DPP10: variants seen among roughly 807,000 people sequenced by gnomAD.
The protein encoded by DPP10 is dipeptidyl peptidase like 10, also known as inactive dipeptidyl peptidase 10.
DPP10 carries 33 observed loss-of-function variants against 120.9 expected under a neutral mutation model. That is an observed-to-expected ratio of 0.27 (90% CI 0.21 to 0.37). DPP10 has a LOEUF of 0.37. Ranked by LOEUF, DPP10 falls within the 10% of genes least tolerant of loss-of-function variation. The probability of loss-of-function intolerance (pLI) is 1.00; values close to 1 mark genes in which losing one functional copy is unlikely to be tolerated. For synonymous variants in DPP10, 337 were observed against 326.1 expected, an observed-to-expected ratio of 1.03 and a Z score of -0.36; for missense variants, 816 against 942.8, an observed-to-expected ratio of 0.87 and a Z score of 1.76.
chr2:115,405,689 A>G (rs1260968650), intron 3 of DPP10, among the ~76,000 whole-genome samples: 2 of 152,212 alleles, frequency 1.3e-5, no homozygotes, highest in Non-Finnish European at 2.9e-5. Flanking sequence ...ATGCGGAATT[A>G]GCACCATATG....
intron 1 of DPP10, among the ~76,000 whole-genome samples, chr2:115,009,657 A>G (rs1178482666): frequency 6.6e-6 from 1 of 152,062 alleles, no homozygotes; most frequent in African/African-American, 2.4e-5. Flanking sequence ...GGATAGCATT[A>G]GGAGAAATAC....
At position 115,775,887 on chromosome 2, in the gene DPP10, C is replaced by T. The variant is rs192750724; in HGVS notation, c.1222-1321C>T. ...AGATAATTAACTGCATTTAAATTTT[C>T]CTGAGAAAATTATAATCACCTTAAT... On this transcript the variant is annotated intron_variant, in intron 13 of 25. Coordinates refer to ENST00000410059, the MANE Select transcript of DPP10 (RefSeq NM_020868.6). 7.2e-3 allele frequency among the ~76,000 whole-genome samples: 1,101 copies of T among 152,040 alleles called. 8 individuals are homozygous for T. Among genetic ancestry groups the T allele is most frequent in the Middle Eastern group, 0.014 (4 of 292 alleles).
chr2:114,836,865 G>GA (rs1428986457), intron 1 of DPP10, among the ~76,000 whole-genome samples: 1 of 152,168 alleles, frequency 6.6e-6, no homozygotes, highest in Non-Finnish European at 1.5e-5. Context: ...TCCTTGCTGA[G>GA]AAAAATAATT....
chr2:115,701,529 ATGAAT>A (rs371085793), intron 7 of DPP10, among the ~76,000 whole-genome samples: 1 of 152,122 alleles, frequency 6.6e-6, no homozygotes, highest in Non-Finnish European at 1.5e-5. Context: ...GAAGGAATAA[ATGAAT>A]TGAATCATTT....
At chr2:114,720,465 G>A (rs1018089818) in intron 1 of DPP10, among the ~76,000 whole-genome samples, 15 of 152,138 alleles carry the variant, frequency 9.9e-5, no homozygotes, top group Admixed American at 5.9e-4. Context: ...AAGGTCTTCA[G>A]TTATATTTGG....
chr2:115,417,969 A>G (rs1475985816), intron 3 of DPP10, among the ~76,000 whole-genome samples: 2 of 152,162 alleles, frequency 1.3e-5, no homozygotes, highest in African/African-American at 2.4e-5. Context: ...GAATTCTTCA[A>G]TTGTCTTCCC....
In DPP10 at chr2:115,511,724, TCTTC is replaced by T. The variant is rs1403035536; in HGVS notation, c.366+12121_366+12124del. Among the ~76,000 whole-genome samples the T allele has an allele frequency of 1.9e-3, 236 of 127,064 alleles. 1 individual carries two copies. Among genetic ancestry groups the T allele is most frequent in the African/African-American group, 6.8e-3 (212 of 31,286 alleles). The allele number at this position is 127,064 out of a possible 152,430, so 83.4% of individuals were successfully genotyped here. A position where few individuals can be genotyped will look rare whatever the true frequency, so the allele number is the denominator to read the frequency against. ...TCTTTCTTCTTCTTCTTCTTCTTCT[TCTTC>T]TTCTTTTTTTTTTTTTTGACACAGG... is the stretch of plus-strand genomic sequence containing the variant. On this transcript the variant is annotated intron_variant, in intron 4 of 25. Coordinates refer to ENST00000410059, the MANE Select transcript of DPP10 (RefSeq NM_020868.6).
intron 1 of DPP10, among the ~76,000 whole-genome samples, chr2:115,236,038 C>T (rs1221775283): frequency 6.6e-6 from 1 of 152,098 alleles, no homozygotes; most frequent in Non-Finnish European, 1.5e-5. Context: ...GTGCAAGAAA[C>T]AGACAAGCAA....
intron 1 of DPP10, among the ~76,000 whole-genome samples, chr2:114,445,534 C>G (rs955598780): frequency 4.2e-5 from 6 of 143,520 alleles, no homozygotes; most frequent in East Asian, 2.1e-4. Flanking sequence ...AAAAACAGCT[C>G]TGTGTGTGTG....
intron 5 of DPP10, among the ~76,000 whole-genome samples, chr2:115,682,949 G>T (rs139654218): frequency 1.4e-4 from 22 of 151,860 alleles, no homozygotes; most frequent in Admixed American, 2.6e-4. Context: ...ATAAACCAAA[G>T]AAAAGTATAA....
At chr2:115,591,283 G>A (rs969017724) in intron 5 of DPP10, among the ~76,000 whole-genome samples, 1 of 152,112 alleles carries the variant, frequency 6.6e-6, no homozygotes, top group Admixed American at 6.5e-5. Context: ...AGTTTTTATG[G>A]TTTTAGGTCT....
At chr2:115,407,288 C>G (rs758157764) in intron 3 of DPP10, among the ~76,000 whole-genome samples, 2 of 152,184 alleles carry the variant, frequency 1.3e-5, no homozygotes, top group African/African-American at 4.8e-5. Context: ...CAGCCTCAGG[C>G]GGGGTTTTGC....
chr2:115,479,652 T>G (rs2075309345), intron 3 of DPP10, among the ~76,000 whole-genome samples: 1 of 151,946 alleles, frequency 6.6e-6, no homozygotes. Flanking sequence ...TGTATATATA[T>G]ATATAAATTT....
At chr2:114,493,916 CTT>C (rs1384372934) in intron 1 of DPP10, among the ~76,000 whole-genome samples, 1 of 152,082 alleles carries the variant, frequency 6.6e-6, no homozygotes, top group Non-Finnish European at 1.5e-5. Context: ...AAATAACAGA[CTT>C]TTCCTGCACC....
intron 1 of DPP10, among the ~76,000 whole-genome samples, chr2:114,975,273 TG>T (rs1443380168): frequency 1.4e-4 from 22 of 152,146 alleles, no homozygotes; most frequent in Non-Finnish European, 2.6e-4. Context: ...CTCAATCTCT[TG>T]ACCTCATGAT....
intron 5 of DPP10, among the ~76,000 whole-genome samples, chr2:115,653,513 C>T (rs896775252): frequency 2.2e-4 from 34 of 151,942 alleles, no homozygotes; most frequent in African/African-American, 7.7e-4. Flanking sequence ...TTATTTAATG[C>T]TCCTAAAAGT....
rs780361617 is a variant in DPP10, at chr2:115,525,967, A to C, written c.436A>C (p.Lys146Gln). Residue 146 changes from lysine (K) to glutamine (Q), a missense_variant, in exon 5 of 26, where the codon AAA (lysine) becomes CAA (glutamine). Transcript: ENST00000410059. ...LKYVLLAYDV[K>Q]QIFHYSYTAS... ...ATATGTCCTTCTGGCATATGATGTCAAACAGGTAAAGGAGTGATCTTCTTT... is the reference window on the plus strand; with the variant it reads ...ATATGTCCTTCTGGCATATGATGTCCAACAGGTAAAGGAGTGATCTTCTTT... 20 of 1,609,086 alleles carry C rather than the reference A, an allele frequency of 1.2e-5. No homozygotes were observed. Among genetic ancestry groups the C allele is most frequent in the Non-Finnish European group, 1.7e-5 (20 of 1,177,284 alleles).
intron 1 of DPP10, among the ~76,000 whole-genome samples, chr2:114,709,811 C>T (rs900346614): frequency 1.3e-5 from 2 of 151,912 alleles, no homozygotes; most frequent in Non-Finnish European, 2.9e-5. Flanking sequence ...CAGATGGATC[C>T]CTGAAAGCCT....
intron 1 of DPP10, among the ~76,000 whole-genome samples, chr2:115,306,204 T>C (rs538759523): frequency 6.6e-6 from 1 of 152,120 alleles, no homozygotes; most frequent in Non-Finnish European, 1.5e-5. Flanking sequence ...CACTTTTCTT[T>C]CCAGAGAAAG....
Sources: gnomAD v4.1 joint callset for allele counts (sites outside exome capture counted in the v4.1 genomes callset) on GRCh38, gnomAD v4.1.1 for gene constraint, MANE v1.5 for transcripts, NCBI Gene and HGNC (gene_info 2026-07-23, HGNC 2026-07-21) for gene names.